PTPRD: variants seen among roughly 807,000 people sequenced by gnomAD.
PTPRD encodes the protein protein tyrosine phosphatase receptor type D, also known as receptor-type tyrosine-protein phosphatase delta.
In PTPRD, 34 loss-of-function variants were observed where a neutral mutation model predicts 214.5. The observed-to-expected ratio is 0.16, with a 90% CI of 0.12 to 0.21. PTPRD has a LOEUF of 0.21. Ranked by LOEUF, PTPRD falls within the 10% of genes least tolerant of loss-of-function variation. The pLI is 1.00. For synonymous variants in PTPRD, 1,128 were observed against 845.7 expected, an observed-to-expected ratio of 1.33 and a Z score of -5.79; for missense variants, 2,545 against 2,398.7, an observed-to-expected ratio of 1.06 and a Z score of -1.27.
At chr9:10,044,870 A>C (rs968077705) in intron 3 of PTPRD, among the ~76,000 whole-genome samples, 5 of 151,732 alleles carry the variant, frequency 3.3e-5, no homozygotes, top group African/African-American at 1.2e-4. Context: ...TATCCATTAC[A>C]CTGACATTTT....
chr9:8,545,011 A>G (rs1214737469), intron 14 of PTPRD, among the ~76,000 whole-genome samples: 1 of 150,100 alleles, frequency 6.7e-6, no homozygotes, highest in Admixed American at 6.7e-5. Flanking sequence ...ACTTTCTGGG[A>G]TATTCACTTT....
chr9:10,305,912 C>G lies in PTPRD; in HGVS notation c.-545+35051G>C, dbSNP rs571033962. ...AGAAATACCATTTGACCCAGCAATC[C>G]CACTACTGGGTATATACCCAAAGGA... On this transcript the variant is annotated intron_variant, in intron 3 of 45. Transcript: ENST00000381196. Among the ~76,000 whole-genome samples, 15 of 152,100 alleles carry G rather than the reference C, an allele frequency of 9.9e-5. No homozygotes were observed. The South Asian group carries it at 2.7e-3, about 27-fold the overall frequency.
chr9:10,044,863 C>A (rs532379645), intron 3 of PTPRD, among the ~76,000 whole-genome samples: 1 of 151,790 alleles, frequency 6.6e-6, no homozygotes, highest in African/African-American at 2.4e-5. Flanking sequence ...GGCTCAGTAT[C>A]CATTACACTG....
intron 9 of PTPRD, among the ~76,000 whole-genome samples, chr9:9,337,384 T>C (rs1290519917): frequency 6.6e-6 from 1 of 152,130 alleles, no homozygotes; most frequent in African/African-American, 2.4e-5. Flanking sequence ...AAAGAAGACT[T>C]TAATAGATCA....
chr9:10,388,894 C>A (rs1284364490), intron 2 of PTPRD, among the ~76,000 whole-genome samples: 2 of 151,564 alleles, frequency 1.3e-5, no homozygotes, highest in Non-Finnish European at 2.9e-5. Flanking sequence ...TAATAATAAC[C>A]AATTGTAAGT....
At chr9:9,216,743 AC>A (rs1390993437) in intron 9 of PTPRD, among the ~76,000 whole-genome samples, 3 of 152,160 alleles carry the variant, frequency 2.0e-5, no homozygotes, top group African/African-American at 7.2e-5. Context: ...TTAGAATGAA[AC>A]AACCCTCTCC....
At chr9:8,527,068 A>G (rs1337812) in intron 16 of PTPRD, among the ~76,000 whole-genome samples, 50,065 of 151,744 alleles carry the variant, frequency 0.33, 8,553 homozygotes, top group East Asian at 0.42. Flanking sequence ...GATAGGAAAC[A>G]CTAAAGACTA....
chr9:8,695,216 C>A (rs974078315), intron 12 of PTPRD, among the ~76,000 whole-genome samples: 2 of 152,090 alleles, frequency 1.3e-5, no homozygotes, highest in Non-Finnish European at 2.9e-5. Flanking sequence ...TGTCTTGGTG[C>A]CAATCTTGTG....
intron 10 of PTPRD, among the ~76,000 whole-genome samples, chr9:9,076,563 G>C (rs911088712): frequency 6.6e-6 from 1 of 151,942 alleles, no homozygotes; most frequent in Non-Finnish European, 1.5e-5. Context: ...TCGTCTTTCT[G>C]TGCCTGCATT....
intron 11 of PTPRD, among the ~76,000 whole-genome samples, chr9:8,824,809 T>C (rs918823513): frequency 2.6e-5 from 4 of 152,154 alleles, no homozygotes; most frequent in African/African-American, 7.2e-5. Context: ...TTTGCTGAAA[T>C]TGCAGAAATA....
intron 14 of PTPRD, among the ~76,000 whole-genome samples, chr9:8,553,784 T>A (rs2082836935): frequency 6.6e-6 from 1 of 152,192 alleles, no homozygotes; most frequent in South Asian, 2.1e-4. Flanking sequence ...TTTAATAAGC[T>A]ATGACCTTGT....
intron 8 of PTPRD, among the ~76,000 whole-genome samples, chr9:9,512,155 C>G (rs897096501): frequency 6.6e-6 from 1 of 151,738 alleles, no homozygotes; most frequent in African/African-American, 2.4e-5. Flanking sequence ...CTCATGATCT[C>G]TCTTATTCAA....
At chr9:9,973,467 G>A (rs2095228697) in intron 4 of PTPRD, among the ~76,000 whole-genome samples, 1 of 151,470 alleles carries the variant, frequency 6.6e-6, no homozygotes, top group Non-Finnish European at 1.5e-5. Context: ...GTGAGACCTT[G>A]TCTCAAAAAA....
At chr9:9,466,728 C>T (rs2094187331) in intron 8 of PTPRD, among the ~76,000 whole-genome samples, 1 of 152,068 alleles carries the variant, frequency 6.6e-6, no homozygotes, top group South Asian at 2.1e-4. Flanking sequence ...AAGCAAGTTT[C>T]CATATCTATT....
At chr9:10,192,896 C>T (rs1014566466) in intron 3 of PTPRD, among the ~76,000 whole-genome samples, 2 of 152,134 alleles carry the variant, frequency 1.3e-5, no homozygotes, top group Non-Finnish European at 2.9e-5. Flanking sequence ...CAGCCTAAAG[C>T]TTCCTAAGCA....
chr9:10,369,089 T>C (rs752302042), intron 2 of PTPRD, among the ~76,000 whole-genome samples: 1 of 152,024 alleles, frequency 6.6e-6, no homozygotes, highest in Non-Finnish European at 1.5e-5. Flanking sequence ...GTTAAAAAAA[T>C]TGTGCTAAAT....
rs77068722 is a variant in PTPRD, at chr9:8,366,079, G to C, written c.4661+9857C>G. On this transcript the variant is annotated intron_variant, in intron 39 of 45. Transcript: ENST00000381196. Reference sequence around the variant, plus strand: ...TACCAGAAACAGAAATACGGTTATAGTATTTTAAAATATGATTCAATGCTC... The same window carrying C: ...TACCAGAAACAGAAATACGGTTATACTATTTTAAAATATGATTCAATGCTC... Among the ~76,000 whole-genome samples, 245 of 152,282 alleles carry C rather than the reference G, an allele frequency of 1.6e-3. 2 individuals carry two copies. The highest frequency in any genetic ancestry group is 6.8e-3 in the Middle Eastern group (2 of 294).
At chr9:9,067,223 T>C (rs971802059) in intron 10 of PTPRD, among the ~76,000 whole-genome samples, 2 of 152,156 alleles carry the variant, frequency 1.3e-5, no homozygotes, top group African/African-American at 4.8e-5. Context: ...AGAGTGAGAC[T>C]CCGTCTCAAA....
chr9:9,470,271 C>A (rs912861662), intron 8 of PTPRD, among the ~76,000 whole-genome samples: 4 of 152,136 alleles, frequency 2.6e-5, no homozygotes, highest in African/African-American at 9.7e-5. Flanking sequence ...AGATGTTTCT[C>A]ATATTCACAT....
Sources: gnomAD v4.1 joint callset for allele counts (sites outside exome capture counted in the v4.1 genomes callset) on GRCh38, gnomAD v4.1.1 for gene constraint, MANE v1.5 for transcripts, NCBI Gene and HGNC (gene_info 2026-07-23, HGNC 2026-07-21) for gene names.